Variants in SOX6 observed in about 807,000 individuals in gnomAD.
SOX6 encodes the protein transcription factor SOX-6.
Under a neutral mutation model 97.8 loss-of-function variants are expected in SOX6, and 11 were observed. The observed-to-expected ratio is 0.11, with a 90% CI of 0.07 to 0.19. The LOEUF (loss-of-function observed/expected upper bound fraction) is 0.19, where lower values mean the gene tolerates loss of function less well. Among genes scored for constraint, SOX6 ranks in the 10% least tolerant of loss-of-function variants. The pLI, the probability that SOX6 is intolerant of heterozygous loss-of-function variation, is 1.00. For missense variants in SOX6, 810 were observed against 1,039.5 expected, an observed-to-expected ratio of 0.78 and a Z score of 3.04; for synonymous variants, 360 against 371.4, an observed-to-expected ratio of 0.97 and a Z score of 0.35.
chr11:16,409,983 G>C (rs1238367953), intron 1 of SOX6, among the ~76,000 whole-genome samples: 1 of 152,180 alleles, frequency 6.6e-6, no homozygotes, highest in African/African-American at 2.4e-5. Flanking sequence ...GAAGCGGAGA[G>C]CAGTAGGTGG....
intron 6 of SOX6, among the ~76,000 whole-genome samples, chr11:16,121,705 A>T (rs938460818): frequency 6.6e-6 from 1 of 152,068 alleles, no homozygotes; most frequent in Non-Finnish European, 1.5e-5. Context: ...ATTTTTGAAA[A>T]CATAAGTCAG....
chr11:16,465,511 T>C (rs1009225879), intron 1 of SOX6, among the ~76,000 whole-genome samples: 3 of 152,170 alleles, frequency 2.0e-5, no homozygotes, highest in African/African-American at 7.2e-5. Flanking sequence ...ATCAGAATAC[T>C]AGTGGCTGTA....
At chr11:16,257,939 A>C (rs886113346) in intron 3 of SOX6, among the ~76,000 whole-genome samples, 1 of 152,042 alleles carries the variant, frequency 6.6e-6, no homozygotes, top group Non-Finnish European at 1.5e-5. Flanking sequence ...GCAAGTAAAC[A>C]TATGAAAAGA....
Position 16,453,576 on chromosome 11 carries a change from T to C in SOX6, c.-5+22739A>G, listed in dbSNP as rs150043082. Among the ~76,000 whole-genome samples the C allele has an allele frequency of 4.0e-3, 609 of 152,276 alleles. 3 individuals are homozygous for C. The highest frequency in any genetic ancestry group is 6.8e-3 in the Middle Eastern group (2 of 294). On this transcript the variant is annotated intron_variant, in intron 1 of 15. Coordinates refer to the SOX6 transcript ENST00000396356. ...ATCCTCATTAAAAACTAAGATTACA[T>C]GACATAATTACATGTAAATAAGAAA...
intron 4 of SOX6, among the ~76,000 whole-genome samples, chr11:16,220,187 G>C (rs1852496675): frequency 6.6e-6 from 1 of 151,954 alleles, no homozygotes; most frequent in Admixed American, 6.6e-5. Context: ...TATTAACTGT[G>C]TGTTCAGAAA....
At chr11:15,999,108 C>T (rs1023718615) in intron 13 of SOX6, among the ~76,000 whole-genome samples, 1 of 151,664 alleles carries the variant, frequency 6.6e-6, no homozygotes, top group African/African-American at 2.4e-5. Flanking sequence ...GAACATTTTA[C>T]AAAAAAGGAT....
intron 6 of SOX6, among the ~76,000 whole-genome samples, chr11:16,148,590 C>CA (rs1850376256): frequency 6.6e-6 from 1 of 152,020 alleles, no homozygotes; most frequent in Non-Finnish European, 1.5e-5. Context: ...AGTCAGAAAA[C>CA]AAAAAAGGCA....
At chr11:16,063,786 A>G (rs1486244985) in intron 9 of SOX6, among the ~76,000 whole-genome samples, 1 of 150,744 alleles carries the variant, frequency 6.6e-6, no homozygotes, top group Non-Finnish European at 1.5e-5. Context: ...ATTTCATTTA[A>G]TCTTCACAAT....
intron 4 of SOX6, among the ~76,000 whole-genome samples, chr11:16,600,785 A>G (rs1337711755): frequency 6.6e-6 from 1 of 152,256 alleles, no homozygotes; most frequent in Non-Finnish European, 1.5e-5. Flanking sequence ...ATAAATAATG[A>G]ATATATAATG....
At chr11:16,478,612 AAAT>A (rs775394616), upstream of SOX6, among the ~76,000 whole-genome samples, 1 of 152,360 alleles carries the variant, frequency 6.6e-6, no homozygotes, top group South Asian at 2.1e-4. Context: ...AAGAATTAAA[AAAT>A]AATAAGTTCC....
At chr11:16,234,926 T>TA (rs1852970722) in intron 3 of SOX6, among the ~76,000 whole-genome samples, 1 of 152,024 alleles carries the variant, frequency 6.6e-6, no homozygotes, top group Admixed American at 6.6e-5. Flanking sequence ...GTTTTAGTAT[T>TA]ATAATTCTAT....
At chr11:16,569,105 C>T (rs1013854485) in intron 4 of SOX6, among the ~76,000 whole-genome samples, 4 of 152,200 alleles carry the variant, frequency 2.6e-5, no homozygotes, top group Admixed American at 2.6e-4. Flanking sequence ...GGAATTTTTA[C>T]ACCAATAAAT....
At chr11:16,426,022 C>T (rs1224942766) in intron 1 of SOX6, among the ~76,000 whole-genome samples, 2 of 151,256 alleles carry the variant, frequency 1.3e-5, no homozygotes, top group African/African-American at 2.4e-5. Flanking sequence ...TTTGGGAGGC[C>T]GAGATGGGTG....
intron 9 of SOX6, among the ~76,000 whole-genome samples, chr11:16,082,816 A>T (rs1848499376): frequency 6.6e-6 from 1 of 152,180 alleles, no homozygotes; most frequent in Non-Finnish European, 1.5e-5. Context: ...CATGTCTACC[A>T]CATGCATTCC....
intron 3 of SOX6, among the ~76,000 whole-genome samples, chr11:16,282,446 T>C (rs1854593449): frequency 6.6e-6 from 1 of 151,578 alleles, no homozygotes; most frequent in African/African-American, 2.4e-5. Context: ...GAACATTACA[T>C]ACACAATGAA....
At chr11:16,559,991 G>C (rs1004357027) in intron 4 of SOX6, among the ~76,000 whole-genome samples, 2 of 151,304 alleles carry the variant, frequency 1.3e-5, no homozygotes, top group Non-Finnish European at 3.0e-5. Flanking sequence ...GGAGGGCCAA[G>C]AAAAAAAAGG....
chr11:16,269,239 G>A (rs1590078821), intron 3 of SOX6, among the ~76,000 whole-genome samples: 1 of 126,448 alleles, frequency 7.9e-6, no homozygotes, highest in East Asian at 2.3e-4. Context: ...ACACATATTT[G>A]GGTTTAATTA....
chr11:16,233,252 T>G (rs1048784506), intron 4 of SOX6, among the ~76,000 whole-genome samples: 12 of 152,272 alleles, frequency 7.9e-5, no homozygotes, highest in African/African-American at 2.2e-4. Flanking sequence ...ATCACAGTGA[T>G]GACTGTCCGT....
chr11:16,181,588 T>A (rs1397470365), intron 6 of SOX6, among the ~76,000 whole-genome samples: 5 of 150,406 alleles, frequency 3.3e-5, no homozygotes, highest in Non-Finnish European at 5.9e-5. Context: ...AGTCTGAATG[T>A]CAAATACCTG....
Sources: gnomAD v4.1 joint callset for allele counts (sites outside exome capture counted in the v4.1 genomes callset) on GRCh38, gnomAD v4.1.1 for gene constraint, MANE v1.5 for transcripts, NCBI Gene and HGNC (gene_info 2026-07-23, HGNC 2026-07-21) for gene names.